MIA2: variants seen among roughly 807,000 people sequenced by gnomAD.
MIA2 encodes the protein melanoma inhibitory activity protein 2.
MIA2 carries 127 observed loss-of-function variants against 167.8 expected under a neutral mutation model. That is an observed-to-expected ratio of 0.76 (90% CI 0.66 to 0.88). MIA2 has a LOEUF of 0.88. Among genes scored for constraint, MIA2 ranks in the 40% least tolerant of loss-of-function variants. The probability of loss-of-function intolerance (pLI) is 0.00; values close to 1 mark genes in which losing one functional copy is unlikely to be tolerated. For missense variants in MIA2, 1,690 were observed against 1,624.7 expected (o/e 1.04, Z -0.69); for synonymous variants, 552 against 541.9 (o/e 1.02, Z -0.26).
At chr14:39,336,103 C>T (rs1415611149) in intron 25 of MIA2, among the ~76,000 whole-genome samples, 2 of 152,146 alleles carry the variant, frequency 1.3e-5, no homozygotes, top group Admixed American at 6.6e-5. Context: ...GACTTAGTTT[C>T]TTTTGGATAT....
Position 39,298,056 on chromosome 14 carries a change from A to G in MIA2, c.2497-1808A>G, listed in dbSNP as rs141377322. On this transcript the variant is annotated intron_variant, in intron 13 of 28. Transcript: ENST00000640607. ...TTTTCCTTGTGGGTTTATGCCTTTG[A>G]AAAAAAAATCTGTTTTCTGCCATTT... Among the ~76,000 whole-genome samples the G allele has an allele frequency of 3.7e-3, 552 of 150,778 alleles. 4 individuals are homozygous for G. The East Asian group carries it at 0.053, about 15-fold the overall frequency.
intron 9 of MIA2, among the ~76,000 whole-genome samples, chr14:39,284,903 C>A (rs544728439): frequency 1.3e-5 from 2 of 151,990 alleles, no homozygotes; most frequent in Admixed American, 1.3e-4. Context: ...TGCGGTCTTC[C>A]GCAGTGTTTG....
chr14:39,263,061 G>A (rs2055204251), intron 6 of MIA2, among the ~76,000 whole-genome samples: 1 of 152,170 alleles, frequency 6.6e-6, no homozygotes, highest in Admixed American at 6.5e-5. Context: ...TGTTGAATAG[G>A]AGTGGTGAGA....
chr14:39,235,099 G>A (rs1373934422), intron 1 of MIA2, among the ~76,000 whole-genome samples: 2 of 151,030 alleles, frequency 1.3e-5, no homozygotes, highest in African/African-American at 4.9e-5. Context: ...GCAATGGCAC[G>A]ATCTCGGCTC....
intron 2 of MIA2, among the ~76,000 whole-genome samples, chr14:39,240,253 A>C (rs990517383): frequency 1.3e-5 from 2 of 152,198 alleles, no homozygotes; most frequent in Non-Finnish European, 2.9e-5. Context: ...GTAAATCTGC[A>C]GTTGACCTGG....
rs529268512 is a variant in MIA2 at position 39,243,982 on chromosome 14, G to A, written c.337-2929G>A. Among the ~76,000 whole-genome samples the A allele has an allele frequency of 2.4e-4, 37 of 152,286 alleles. No individual in the cohort carries two copies. The South Asian group carries it at 7.5e-3, about 31-fold the overall frequency. ...GTAGAGATATGACTGAACAAAAAGG[G>A]TATGATCTAATGCAGTAGACTGAGT... On this transcript the variant is annotated intron_variant, in intron 3 of 28. Coordinates refer to ENST00000640607, the MANE Select transcript of MIA2 (RefSeq NM_001329214.4).
At position 39,348,780 on chromosome 14, in the gene MIA2, A is replaced by G. The variant is rs746569910; in HGVS notation, c.3875A>G (p.Asn1292Ser). 2.7e-5 allele frequency: 44 copies of G among 1,613,836 alleles called. No individual in the cohort carries two copies. The highest frequency in any genetic ancestry group is 3.6e-5 in the Non-Finnish European group (42 of 1,179,882). ...NVPDSSLPAE[N>S]EATGPGFVPP... ...CCTGATTCATCTCTCCCTGCTGAAA[A>G]TGAAGCCACTGGCCCTGGCTTTGTT... Residue 1292 changes from asparagine (N) to serine (S), a missense_variant, in exon 28 of 29, where the codon AAT becomes AGT. Transcript: ENST00000640607.
At position 39,319,308 on chromosome 14, in the gene MIA2, T is replaced by C; in HGVS notation, c.3367+17T>C. 1 of 1,347,760 alleles carries C rather than the reference T, an allele frequency of 7.4e-7. No homozygotes were observed. Among genetic ancestry groups the C allele is most frequent in the Non-Finnish European group, 1.0e-6 (1 of 988,778 alleles). 83.5% of individuals were successfully genotyped at this position (1,347,760 alleles called of 1,614,324 possible). On this transcript the variant is annotated intron_variant, in intron 23 of 28. Coordinates refer to ENST00000640607, the MANE Select transcript of MIA2 (RefSeq NM_001329214.4). ...TTGGCAGAGGTAGTCTTTTTTTTTT[T>C]ACCCCTCATTTAAAATACATATTTT...
chr14:39,336,517 A>G (rs921406545), intron 25 of MIA2, among the ~76,000 whole-genome samples: 11 of 152,212 alleles, frequency 7.2e-5, no homozygotes, highest in African/African-American at 2.7e-4. Context: ...AAATTTGGCT[A>G]CCTTATTAGG....
intron 25 of MIA2, among the ~76,000 whole-genome samples, chr14:39,338,134 G>A (rs1239134634): frequency 1.3e-5 from 2 of 152,172 alleles, no homozygotes; most frequent in African/African-American, 2.4e-5. Flanking sequence ...GGGGTGGCAC[G>A]AGGGAGGTGT....
intron 17 of MIA2, among the ~76,000 whole-genome samples, chr14:39,304,596 A>G (rs1448736200): frequency 6.6e-6 from 1 of 152,096 alleles, no homozygotes; most frequent in Non-Finnish European, 1.5e-5. Context: ...TGTGAAGTTA[A>G]AATAAGGAAA....
intron 6 of MIA2, among the ~76,000 whole-genome samples, chr14:39,262,839 T>C (rs2055189885): frequency 6.6e-6 from 1 of 152,178 alleles, no homozygotes; most frequent in Non-Finnish European, 1.5e-5. Flanking sequence ...TGTATAAGAA[T>C]GCTTGTGATT....
chr14:39,322,401 TG>T (rs2066617636), intron 24 of MIA2, among the ~76,000 whole-genome samples: 1 of 151,460 alleles, frequency 6.6e-6, no homozygotes, highest in South Asian at 2.1e-4. Flanking sequence ...ATCAGCTGGG[TG>T]TGGTGGTGGG....
intron 23 of MIA2, among the ~76,000 whole-genome samples, chr14:39,361,437 GTTT>G (rs71130845): frequency 7.2e-6 from 1 of 139,492 alleles, no homozygotes; most frequent in Admixed American, 7.2e-5. Context: ...TAGGTGTGTG[GTTT>G]TTTTTTTTTT....
chr14:39,325,227 C>CAA (rs1555398226), intron 24 of MIA2, among the ~76,000 whole-genome samples: 313 of 115,776 alleles, frequency 2.7e-3, no homozygotes, highest in African/African-American at 7.5e-3. Context: ...GACCTTGTCT[C>CAA]AAAAAAAAAA....
At chr14:39,284,254 G>A (rs1377223305) in intron 9 of MIA2, among the ~76,000 whole-genome samples, 2 of 152,070 alleles carry the variant, frequency 1.3e-5, no homozygotes, top group Non-Finnish European at 2.9e-5. Context: ...TAAGAGTTCA[G>A]TTTCATTCTT....
At chr14:39,296,966 G>A (rs12588386) in intron 13 of MIA2, among the ~76,000 whole-genome samples, 45,678 of 150,218 alleles carry the variant, frequency 0.3, 7,203 homozygotes, top group East Asian at 0.5. Context: ...TAATAGAGAC[G>A]GAGTTTCACC....
intron 28 of MIA2, 70 bp downstream of exon 28, chr14:39,349,047 T>C: frequency 6.5e-7 from 1 of 1,527,952 alleles, no homozygotes; most frequent in Non-Finnish European, 9.0e-7. Context: ...AATTTTACTA[T>C]CTGTTAATGT....
In MIA2 at chr14:39,290,077, A is replaced by G. The variant is rs1398669351; in HGVS notation, c.2131-942A>G. Among the ~76,000 whole-genome samples the G allele has an allele frequency of 3.9e-5, 6 of 152,318 alleles. No homozygotes were observed. The East Asian group carries it at 1.2e-3, about 29-fold the overall frequency. On this transcript the variant is annotated intron_variant, in intron 9 of 28. Coordinates refer to ENST00000640607, the MANE Select transcript of MIA2 (RefSeq NM_001329214.4). The stretch of plus-strand genomic sequence containing the variant: ...ACCTGGACATTCTGGGGAGCAGAAC[A>G]TAGACATCTTTGGACAGGTCATTGT...
Sources: gnomAD v4.1 joint callset for allele counts (sites outside exome capture counted in the v4.1 genomes callset) on GRCh38, gnomAD v4.1.1 for gene constraint, MANE v1.5 for transcripts, NCBI Gene and HGNC (gene_info 2026-07-23, HGNC 2026-07-21) for gene names.